The following PDZRN4 variants were observed in gnomAD, a reference collection of about 807,000 sequenced individuals.
PDZRN4 encodes PDZ domain-containing RING finger protein 4.
Under a neutral mutation model 99.0 loss-of-function variants are expected in PDZRN4, and 70 were observed. The observed-to-expected ratio is 0.71, with a 90% CI of 0.58 to 0.86. The LOEUF (loss-of-function observed/expected upper bound fraction) is 0.86. Among genes scored for constraint, PDZRN4 ranks in the 40% least tolerant of loss-of-function variants. The pLI is 0.00. For synonymous variants in PDZRN4, 551 were observed against 501.6 expected (o/e 1.10, Z -1.32); for missense variants, 1,474 against 1,331.2 (o/e 1.11, Z -1.67).
At chr12:41,203,389 G>C (rs944760347) in intron 3 of PDZRN4, among the ~76,000 whole-genome samples, 1 of 151,976 alleles carries the variant, frequency 6.6e-6, no homozygotes, top group Non-Finnish European at 1.5e-5. Flanking sequence ...AGAGGGATTA[G>C]GAGGTGAGAG....
chr12:41,391,829 G>T (rs943422599), intron 3 of PDZRN4, among the ~76,000 whole-genome samples: 1 of 152,106 alleles, frequency 6.6e-6, no homozygotes, highest in African/African-American at 2.4e-5. Context: ...GTGCATGATT[G>T]GTGAGTCAGT....
chr12:41,537,612 T>G (rs1443321393), intron 5 of PDZRN4, among the ~76,000 whole-genome samples: 1 of 152,074 alleles, frequency 6.6e-6, no homozygotes, highest in African/African-American at 2.4e-5. Context: ...TCTGAGGAGT[T>G]TGGACTTCAG....
intron 3 of PDZRN4, among the ~76,000 whole-genome samples, chr12:41,493,807 C>T (rs369603780): frequency 4.0e-5 from 6 of 151,548 alleles, no homozygotes; most frequent in East Asian, 1.9e-4. Flanking sequence ...GCAGCAACAG[C>T]TTTACCTCAA....
intron 3 of PDZRN4, among the ~76,000 whole-genome samples, chr12:41,229,177 C>T (rs1020675487): frequency 2.0e-5 from 3 of 150,762 alleles, no homozygotes; most frequent in Non-Finnish European, 3.0e-5. Flanking sequence ...TGATCTGTCT[C>T]GGGTTATCAG....
chr12:41,532,511 C>G (rs1232343616), intron 5 of PDZRN4, among the ~76,000 whole-genome samples: 1 of 152,140 alleles, frequency 6.6e-6, no homozygotes, highest in Non-Finnish European at 1.5e-5. Flanking sequence ...GCCATTGATT[C>G]TTCCAAATCA....
intron 3 of PDZRN4, among the ~76,000 whole-genome samples, chr12:41,279,143 G>A (rs11180604): frequency 0.15 from 22,102 of 152,116 alleles, 1,964 homozygotes; most frequent in Non-Finnish European, 0.2. Context: ...TCAAATGTTT[G>A]GGTTGGTAAC....
intron 3 of PDZRN4, among the ~76,000 whole-genome samples, chr12:41,201,268 T>G (rs1233283532): frequency 1.3e-5 from 2 of 152,036 alleles, no homozygotes; most frequent in Non-Finnish European, 2.9e-5. Context: ...ACTGGTATTC[T>G]GTGCCACAGC....
intron 3 of PDZRN4, among the ~76,000 whole-genome samples, chr12:41,397,198 G>A (rs1291462116): frequency 6.6e-6 from 1 of 152,078 alleles, no homozygotes; most frequent in East Asian, 1.9e-4. Flanking sequence ...TTAAATGAAT[G>A]ACACTGTGTT....
chr12:41,337,344 G>C (rs538699448), intron 3 of PDZRN4, among the ~76,000 whole-genome samples: 1 of 152,060 alleles, frequency 6.6e-6, no homozygotes, highest in East Asian at 1.9e-4. Flanking sequence ...TCCTATACCT[G>C]TCACGTCTTT....
Position 41,429,688 on chromosome 12 carries a change from A to G in PDZRN4, c.844-76768A>G, listed in dbSNP as rs117886251. On this transcript the variant is annotated intron_variant, in intron 3 of 9. Coordinates refer to ENST00000402685, the MANE Select transcript of PDZRN4 (RefSeq NM_001164595.2). ...TATTTACTTCCCATGCAGAGAGGAT[A>G]TATTAAGAGTGCACATCTCAGAGTG... 1.4e-4 allele frequency among the ~76,000 whole-genome samples: 22 copies of G among 152,110 alleles called. 1 individual carries two copies. The East Asian group carries it at 4.2e-3, about 29-fold the overall frequency.
chr12:41,539,968 G>T (rs755402864), intron 5 of PDZRN4, among the ~76,000 whole-genome samples: 4 of 152,118 alleles, frequency 2.6e-5, no homozygotes, highest in Admixed American at 2.6e-4. Context: ...GTACAGTAAA[G>T]ATGTAATGCA....
At chr12:41,457,250 A>G (rs920476670) in intron 3 of PDZRN4, among the ~76,000 whole-genome samples, 3 of 152,176 alleles carry the variant, frequency 2.0e-5, no homozygotes, top group Admixed American at 6.6e-5. Flanking sequence ...CCTCCATGAA[A>G]GTTTAACTTA....
intron 3 of PDZRN4, among the ~76,000 whole-genome samples, chr12:41,332,135 T>C (rs1951744591): frequency 6.6e-6 from 1 of 152,076 alleles, no homozygotes. Context: ...GAAAACAGTA[T>C]GCCAGGTTGT....
In PDZRN4 at chr12:41,573,780, A is replaced by G; in HGVS notation, c.3001A>G (p.Lys1001Glu). Reference sequence around the variant, plus strand: ...CAAAAAGATGATGAAAAAGAGAAACAAGAAAATTTTGGACAACTGGATGAC... The same window carrying G: ...CAAAAAGATGATGAAAAAGAGAAACGAGAAAATTTTGGACAACTGGATGAC... Reference protein sequence around the residue: ...SHKKMMKKRNKKILDNWMTIQ... With the variant: ...SHKKMMKKRNEKILDNWMTIQ... Residue 1001 changes from lysine to glutamate, a missense_variant, in exon 10 of 10, where the codon AAG (lysine) becomes GAG (glutamate). Physicochemically the swap from Lys to Glu is moderately conservative, Grantham distance 56. Transcript: ENST00000402685. 2.5e-6 allele frequency: 4 copies of G among 1,613,840 alleles called. No individual in the cohort carries two copies. Among genetic ancestry groups the G allele is most frequent in the South Asian group, 1.1e-5 (1 of 91,064 alleles).
chr12:41,411,068 T>TATATATATATATATATA (rs1555141008), intron 3 of PDZRN4, among the ~76,000 whole-genome samples: 32 of 84,000 alleles, frequency 3.8e-4, no homozygotes, highest in African/African-American at 1.8e-3. Context: ...TATATATATA[T>TATATATATATATATATA]TTTTTTTTTA....
chr12:41,496,392 TG>T (rs2120645341), intron 3 of PDZRN4, among the ~76,000 whole-genome samples: 1 of 152,218 alleles, frequency 6.6e-6, no homozygotes, highest in Non-Finnish European at 1.5e-5. Context: ...TGATCCTATC[TG>T]CAACTCTGAG....
chr12:41,365,688 G>A lies in PDZRN4; in HGVS notation c.844-140768G>A, dbSNP rs191717285. ...TGAGCCCGAATCAGTCTCTCCAGGGGTCTGAATAAACAAACATGCTTGTCA... is the reference window on the plus strand; with the variant it reads ...TGAGCCCGAATCAGTCTCTCCAGGGATCTGAATAAACAAACATGCTTGTCA... On this transcript the variant is annotated intron_variant, in intron 3 of 9. Coordinates refer to ENST00000402685, the MANE Select transcript of PDZRN4 (RefSeq NM_001164595.2). 7.2e-5 allele frequency among the ~76,000 whole-genome samples: 11 copies of A among 152,134 alleles called. No homozygotes were observed. In the East Asian group the frequency reaches 1.9e-3, roughly 27 times the overall value.
At chr12:41,506,308 T>A in intron 3 of PDZRN4, 148 bp from the exon 4 acceptor site, 1 of 494,476 alleles carries the variant, frequency 2.0e-6, no homozygotes, top group South Asian at 3.3e-5. Flanking sequence ...GGTAAAGACT[T>A]CAGTAAATAT....
At chr12:41,521,538 C>A (rs1430481981) in intron 5 of PDZRN4, among the ~76,000 whole-genome samples, 2 of 151,762 alleles carry the variant, frequency 1.3e-5, no homozygotes, top group East Asian at 3.9e-4. Flanking sequence ...ATATTTGGAC[C>A]AAAGAGAGTT....
Sources: gnomAD v4.1 joint callset for allele counts (sites outside exome capture counted in the v4.1 genomes callset) on GRCh38, gnomAD v4.1.1 for gene constraint, MANE v1.5 for transcripts, NCBI Gene and HGNC (gene_info 2026-07-23, HGNC 2026-07-21) for gene names.